LRRC40: variants seen among roughly 807,000 people sequenced by gnomAD.
LRRC40 encodes the protein leucine-rich repeat-containing protein 40.
LRRC40 carries 76 observed loss-of-function variants against 72.8 expected under a neutral mutation model. The observed-to-expected ratio is 1.04, with a 90% CI of 0.87 to 1.26. The LOEUF (loss-of-function observed/expected upper bound fraction) is 1.26. Among genes scored for constraint, LRRC40 ranks in the 50% most tolerant of loss-of-function variants. The pLI is 0.00. For missense variants in LRRC40, 684 were observed against 698.9 expected, an observed-to-expected ratio of 0.98 and a Z score of 0.24; for synonymous variants, 243 against 254.2, an observed-to-expected ratio of 0.96 and a Z score of 0.42.
chr1:70,155,868 T>C, intron 10 of LRRC40, 72 bp from the exon 11 acceptor site: 1 of 599,212 alleles, frequency 1.7e-6, no homozygotes, highest in South Asian at 3.5e-5. Flanking sequence ...TACTCTTCAT[T>C]TTTAAAGGTG....
chr1:70,175,957 A>G lies in LRRC40; in HGVS notation c.830T>C (p.Ile277Thr). Residue 277 changes from isoleucine (I) to threonine (T), a missense_variant, in exon 7 of 15, where the codon ATT becomes ACT. By Grantham distance (89) the Ile-to-Thr change is moderately conservative. Transcript: ENST00000370952. Reference sequence around the variant, plus strand: ...AAGATGTTCTGCCTCTAACATTTCAATCTGGTTTTCACCTACGTGCAATTC... The same window carrying G: ...AAGATGTTCTGCCTCTAACATTTCAGTCTGGTTTTCACCTACGTGCAATTC... ...LKELHVGENQIEMLEAEHLKH... is the reference protein window; with the variant it reads ...LKELHVGENQTEMLEAEHLKH... 1.9e-6 allele frequency: 3 copies of G among 1,581,364 alleles called. No individual in the cohort carries two copies. Among genetic ancestry groups the G allele is most frequent in the Non-Finnish European group, 2.6e-6 (3 of 1,169,020 alleles).
At chr1:70,194,620 C>A (rs887920797) in intron 1 of LRRC40, among the ~76,000 whole-genome samples, 2 of 150,600 alleles carry the variant, frequency 1.3e-5, no homozygotes, top group Non-Finnish European at 3.0e-5. Flanking sequence ...TAAATTAGGT[C>A]AAAAAATTTT....
intron 9 of LRRC40, among the ~76,000 whole-genome samples, chr1:70,172,053 T>C (rs1668010838): frequency 6.6e-6 from 1 of 152,094 alleles, no homozygotes; most frequent in Admixed American, 6.6e-5. Context: ...TATTAAGAGG[T>C]AGGGCCTTTG....
At chr1:70,186,810 C>T (rs890756159) in intron 3 of LRRC40, among the ~76,000 whole-genome samples, 3 of 151,968 alleles carry the variant, frequency 2.0e-5, no homozygotes, top group Admixed American at 6.6e-5. Context: ...AAAATATATC[C>T]GTAGAATCCC....
intron 6 of LRRC40, among the ~76,000 whole-genome samples, chr1:70,176,402 C>T (rs1373939663): frequency 6.6e-6 from 1 of 151,572 alleles, no homozygotes; most frequent in African/African-American, 2.4e-5. Context: ...CGTGGTGGAG[C>T]GTGCCTGTAG....
chr1:70,193,609 A>C (rs1668547911), intron 1 of LRRC40, among the ~76,000 whole-genome samples: 1 of 152,064 alleles, frequency 6.6e-6, no homozygotes, highest in Non-Finnish European at 1.5e-5. Context: ...TTCATCTTAT[A>C]AGGCCAGTCT....
chr1:70,197,916 C>G (rs1217464004), intron 1 of LRRC40, among the ~76,000 whole-genome samples: 3 of 151,998 alleles, frequency 2.0e-5, no homozygotes, highest in Non-Finnish European at 4.4e-5. Context: ...CCCATCTCTA[C>G]TAAAAATACA....
At chr1:70,203,971 A>G (rs1322610930) in intron 1 of LRRC40, among the ~76,000 whole-genome samples, 1 of 152,208 alleles carries the variant, frequency 6.6e-6, no homozygotes, top group Non-Finnish European at 1.5e-5. Context: ...CTCCTATGAA[A>G]TGCTGTTTAT....
rs560703537 is a variant in LRRC40, at chr1:70,146,027, T to C, written c.1704-122A>G. 7.2e-6 allele frequency: 4 copies of C among 553,476 alleles called. No homozygotes were observed. The South Asian group carries it at 9.7e-5, about 13-fold the overall frequency. The allele number at this position is 553,476 out of a possible 1,614,324, so 34.3% of individuals were successfully genotyped here. A position where few individuals can be genotyped will look rare whatever the true frequency, so the allele number is the denominator to read the frequency against. ...TTTTTTTCTATTTGCCCCTTTTTAT[T>C]TTTATTTCTTTTTTTGAGACAGAGT... is the stretch of plus-strand genomic sequence containing the variant. On this transcript the variant is annotated intron_variant, in intron 14 of 14. Transcript: ENST00000370952.
intron 1 of LRRC40, among the ~76,000 whole-genome samples, chr1:70,196,368 A>G (rs545378000): frequency 6.6e-6 from 1 of 152,264 alleles, no homozygotes; most frequent in African/African-American, 2.4e-5. Context: ...TGGGAAAAAG[A>G]GCAAGACTTC....
chr1:70,167,487 G>A (rs946982703), intron 9 of LRRC40, among the ~76,000 whole-genome samples: 1 of 152,062 alleles, frequency 6.6e-6, no homozygotes, highest in African/African-American at 2.4e-5. Flanking sequence ...TTGAACCTGG[G>A]AGGCGGAGGA....
intron 13 of LRRC40, among the ~76,000 whole-genome samples, chr1:70,149,439 G>A (rs1325903760): frequency 6.6e-6 from 1 of 152,154 alleles, no homozygotes; most frequent in Non-Finnish European, 1.5e-5. Context: ...TAAGACTAGA[G>A]AAGCAATAGC....
chr1:70,161,406 T>C (rs1667758984), intron 9 of LRRC40, among the ~76,000 whole-genome samples: 1 of 151,416 alleles, frequency 6.6e-6, no homozygotes, highest in African/African-American at 2.4e-5. Flanking sequence ...TTTTAAGAAA[T>C]TTTTGGCCGG....
chr1:70,187,306 A>C lies in LRRC40; in HGVS notation c.366T>G (p.Ser122=). 6.3e-7 allele frequency: 1 copy of C among 1,588,382 alleles called. No individual in the cohort carries two copies. The highest frequency in any genetic ancestry group is 8.6e-7 in the Non-Finnish European group (1 of 1,160,168). Residue 122 remains serine, a synonymous_variant, in exon 3 of 15, where the codon TCT becomes TCG. Coordinates refer to ENST00000370952, the MANE Select transcript of LRRC40 (RefSeq NM_017768.5). The part of the protein sequence containing the change: ...IHDNQLTSLP[S]AIRELENLQK... ...GAAGATTTTCTAGCTCTCTTATAGC[A>C]GAAGGAAGGGATGTCAACTGATTAT...
intron 9 of LRRC40, among the ~76,000 whole-genome samples, chr1:70,160,558 T>C (rs1042867992): frequency 1.3e-5 from 2 of 152,124 alleles, no homozygotes; most frequent in African/African-American, 4.8e-5. Context: ...TAATATGTAA[T>C]ACAGTGCCAA....
Position 70,159,757 on chromosome 1 carries a change from A to C in LRRC40, c.1112-319T>G, listed in dbSNP as rs1667716083. 2.6e-5 allele frequency among the ~76,000 whole-genome samples: 4 copies of C among 152,198 alleles called. 1 individual carries two copies. In the South Asian group the frequency reaches 8.3e-4, roughly 32 times the overall value. The stretch of plus-strand genomic sequence containing the variant: ...AAATAACAAGTAATCCTTCCTCTTA[A>C]GTAAAATAATATGGTCCACTAGAAG... On this transcript the variant is annotated intron_variant, in intron 9 of 14. Coordinates refer to ENST00000370952, the MANE Select transcript of LRRC40 (RefSeq NM_017768.5).
At chr1:70,167,527 T>G (rs1667909966) in intron 9 of LRRC40, among the ~76,000 whole-genome samples, 1 of 151,934 alleles carries the variant, frequency 6.6e-6, no homozygotes, top group East Asian at 1.9e-4. Flanking sequence ...ACCACTGCAC[T>G]CCAGGCTGGG....
chr1:70,152,405 A>G, intron 12 of LRRC40, 28 bp downstream of exon 12: 1 of 1,139,520 alleles, frequency 8.8e-7, no homozygotes, highest in Non-Finnish European at 1.3e-6. Context: ...AACTTTTTAA[A>G]AAGTCAAGCA....
At chr1:70,156,447 T>G (rs982737742) in intron 10 of LRRC40, among the ~76,000 whole-genome samples, 6 of 152,144 alleles carry the variant, frequency 3.9e-5, no homozygotes, top group Non-Finnish European at 5.9e-5. Flanking sequence ...TCTGTGACAT[T>G]AGAATCTGAA....
Sources: gnomAD v4.1 joint callset for allele counts (sites outside exome capture counted in the v4.1 genomes callset) on GRCh38, gnomAD v4.1.1 for gene constraint, MANE v1.5 for transcripts, NCBI Gene and HGNC (gene_info 2026-07-23, HGNC 2026-07-21) for gene names.